CLSTN2: variants seen among roughly 807,000 people sequenced by gnomAD.
The protein encoded by CLSTN2 is calsyntenin 2, also known as calsyntenin-2.
Under a neutral mutation model 101.2 loss-of-function variants are expected in CLSTN2, and 48 were observed. That is an observed-to-expected ratio of 0.47 (90% CI 0.38 to 0.60). CLSTN2 has a LOEUF of 0.60. Among genes scored for constraint, CLSTN2 ranks in the 20% least tolerant of loss-of-function variants. The pLI, the probability that CLSTN2 is intolerant of heterozygous loss-of-function variation, is 0.00. For missense variants in CLSTN2, 1,160 were observed against 1,238.2 expected, an observed-to-expected ratio of 0.94 and a Z score of 0.95; for synonymous variants, 481 against 463.6, an observed-to-expected ratio of 1.04 and a Z score of -0.48.
At chr3:140,048,713 G>A (rs965806402) in intron 1 of CLSTN2, among the ~76,000 whole-genome samples, 1 of 152,106 alleles carries the variant, frequency 6.6e-6, no homozygotes. Context: ...GGGGAGTGGG[G>A]GGCAGTGGGC....
rs1475318842 is a variant in CLSTN2 at position 140,566,124 on chromosome 3, G to T, written c.2739G>T (p.Met913Ile). 3 of 1,612,002 alleles carry T rather than the reference G, an allele frequency of 1.9e-6. No homozygotes were observed. Among genetic ancestry groups the T allele is most frequent in the Non-Finnish European group, 8.5e-7 (1 of 1,178,102 alleles). ...AGGAGGAAGAAGCCGAGGAAGAAATGAGCTCCAGCAGTGGCTCTGACGACA... is the reference window on the plus strand; with the variant it reads ...AGGAGGAAGAAGCCGAGGAAGAAATTAGCTCCAGCAGTGGCTCTGACGACA... ...GEEEEEAEEE[M>I]SSSSGSDDSE... Residue 913 changes from methionine (M) to isoleucine (I), a missense_variant, in exon 17 of 17, where the codon ATG (methionine) becomes ATT (isoleucine). Coordinates refer to ENST00000458420, the MANE Select transcript of CLSTN2 (RefSeq NM_022131.3).
At position 140,419,482 on chromosome 3, in the gene CLSTN2, CA is replaced by C. The variant is rs1169762724; in HGVS notation, c.638-1630del. ...TGGGTGACAGAGCCAGACTCTGTCTCAAAAAAAAAAAAATATATATATATAT... is the reference window on the plus strand; with the variant it reads ...TGGGTGACAGAGCCAGACTCTGTCTCAAAAAAAAAAAATATATATATATAT... On this transcript the variant is annotated intron_variant, in intron 4 of 16. Transcript: ENST00000458420. 7.0e-4 allele frequency among the ~76,000 whole-genome samples: 14 copies of C among 19,958 alleles called. No individual in the cohort carries two copies. In the East Asian group the frequency reaches 8.2e-3, roughly 12 times the overall value. 13.1% of individuals were successfully genotyped at this position (19,958 alleles called of 152,430 possible). A position where few individuals can be genotyped will look rare whatever the true frequency, so the allele number is the denominator to read the frequency against.
chr3:140,370,547 G>T (rs1193575928), intron 2 of CLSTN2, among the ~76,000 whole-genome samples: 1 of 152,128 alleles, frequency 6.6e-6, no homozygotes, highest in Non-Finnish European at 1.5e-5. Context: ...TAATGATCTG[G>T]CAGTTCTAGA....
intron 2 of CLSTN2, among the ~76,000 whole-genome samples, chr3:140,381,586 T>C (rs1286616885): frequency 2.0e-5 from 3 of 152,228 alleles, no homozygotes; most frequent in Non-Finnish European, 4.4e-5. Context: ...ATGTGAGTTC[T>C]CATTGTTCCA....
chr3:140,564,139 C>A lies in CLSTN2; in HGVS notation c.2661C>A (p.Pro887=). The A allele has an allele frequency of 6.2e-7, 1 of 1,613,844 alleles. No individual in the cohort carries two copies. Among genetic ancestry groups the A allele is most frequent in the Non-Finnish European group, 8.5e-7 (1 of 1,179,854 alleles). Residue 887 remains proline, a synonymous_variant, in exon 16 of 17, where the codon CCC becomes CCA. Coordinates refer to ENST00000458420, the MANE Select transcript of CLSTN2 (RefSeq NM_022131.3). Reference sequence around the variant, plus strand: ...CTGCGCTGACTATCACAGTCAACCCCATGGAGGTGATCCTCATGCACGGCT... The same window carrying A: ...CTGCGCTGACTATCACAGTCAACCCAATGGAGGTGATCCTCATGCACGGCT... The part of the protein sequence containing the change: ...DDSALTITVN[P]MEKHEGPGHG...
intron 16 of CLSTN2, among the ~76,000 whole-genome samples, chr3:140,564,366 T>C (rs1006115061): frequency 6.6e-6 from 1 of 152,194 alleles, no homozygotes; most frequent in African/African-American, 2.4e-5. Context: ...TTAAAATGTA[T>C]TAATTGCTCT....
At chr3:140,132,999 T>G (rs1437596621) in intron 1 of CLSTN2, among the ~76,000 whole-genome samples, 6 of 152,126 alleles carry the variant, frequency 3.9e-5, no homozygotes, top group Non-Finnish European at 8.8e-5. Context: ...TACCCAAGAC[T>G]GGATAATTTA....
chr3:140,230,441 A>G (rs564695224), intron 2 of CLSTN2, among the ~76,000 whole-genome samples: 1 of 152,314 alleles, frequency 6.6e-6, no homozygotes, highest in African/African-American at 2.4e-5. Flanking sequence ...GTTTTTCCAA[A>G]ATTTATATGT....
rs551822710 is a variant in CLSTN2 at position 140,200,033 on chromosome 3, C to A, written c.232+23960C>A. On this transcript the variant is annotated intron_variant, in intron 2 of 16. Coordinates refer to ENST00000458420, the MANE Select transcript of CLSTN2 (RefSeq NM_022131.3). ...AAAGCAGCTGGTGGCTCGCTGGGTA[C>A]CTCCTACAAGGCCTTTAGTCCAGGC... 3.4e-4 allele frequency among the ~76,000 whole-genome samples: 52 copies of A among 152,240 alleles called. No homozygotes were observed. In the East Asian group the frequency reaches 9.5e-3, roughly 28 times the overall value.
At chr3:139,961,239 C>T (rs191388668) in intron 1 of CLSTN2, among the ~76,000 whole-genome samples, 29 of 152,290 alleles carry the variant, frequency 1.9e-4, no homozygotes, top group African/African-American at 6.3e-4. Context: ...CATCCCCCCA[C>T]CCCCAGGGCT....
intron 8 of CLSTN2, among the ~76,000 whole-genome samples, chr3:140,484,217 T>G (rs1469089662): frequency 6.6e-6 from 1 of 152,228 alleles, no homozygotes; most frequent in Non-Finnish European, 1.5e-5. Flanking sequence ...TCTCCTTCAC[T>G]GATGAAGCTT....
rs1031787382 is a variant in CLSTN2, at chr3:140,568,304, T to C, written c.*2051T>C. ...GACGGGAAATAAACAGGCCTAGAAA[T>C]TACACAAGAGACAAATGAAGAGGAA... On this transcript the variant is annotated 3_prime_UTR_variant, in exon 17 of 17. Transcript: ENST00000458420. 1 of 151,966 alleles carries C rather than the reference T, an allele frequency of 6.6e-6. No homozygotes were observed. The highest frequency in any genetic ancestry group is 2.4e-5 in the African/African-American group (1 of 41,348). The allele number at this position is 151,966 out of a possible 1,614,324, so 9.4% of individuals were successfully genotyped here.
chr3:140,470,307 T>A (rs1044944215), intron 8 of CLSTN2, among the ~76,000 whole-genome samples: 1 of 152,252 alleles, frequency 6.6e-6, no homozygotes, highest in Non-Finnish European at 1.5e-5. Flanking sequence ...CAGTTTACAG[T>A]TCCATGTGAT....
intron 1 of CLSTN2, among the ~76,000 whole-genome samples, chr3:140,028,874 A>C (rs1576402088): frequency 6.6e-6 from 1 of 152,138 alleles, no homozygotes; most frequent in Admixed American, 6.5e-5. Flanking sequence ...ACTTTGACTG[A>C]AAATGGACCC....
chr3:140,526,090 G>C (rs186687953), intron 8 of CLSTN2, among the ~76,000 whole-genome samples: 5 of 152,250 alleles, frequency 3.3e-5, no homozygotes, highest in Non-Finnish European at 7.4e-5. Context: ...AATTAGGCAA[G>C]AGAAAGAAAT....
At chr3:140,164,362 A>T (rs2010099273) in intron 1 of CLSTN2, among the ~76,000 whole-genome samples, 2 of 152,048 alleles carry the variant, frequency 1.3e-5, no homozygotes, top group South Asian at 4.2e-4. Context: ...TCCAGCCTGT[A>T]GATACTGAGG....
At chr3:140,201,597 C>A (rs2010718282) in intron 2 of CLSTN2, among the ~76,000 whole-genome samples, 1 of 152,130 alleles carries the variant, frequency 6.6e-6, no homozygotes, top group Non-Finnish European at 1.5e-5. Flanking sequence ...ACTTCTATAA[C>A]TTCCAGTGGT....
chr3:140,125,405 G>A (rs1306327680), intron 1 of CLSTN2, among the ~76,000 whole-genome samples: 2 of 152,220 alleles, frequency 1.3e-5, no homozygotes, highest in Admixed American at 6.5e-5. Context: ...CAAGTAGCCG[G>A]GTGGGCATGG....
chr3:140,400,053 T>A (rs1211567047), intron 2 of CLSTN2, among the ~76,000 whole-genome samples: 3 of 152,184 alleles, frequency 2.0e-5, no homozygotes. Flanking sequence ...ATACAGGATG[T>A]AATGTGAATA....
Sources: gnomAD v4.1 joint callset for allele counts (sites outside exome capture counted in the v4.1 genomes callset) on GRCh38, gnomAD v4.1.1 for gene constraint, MANE v1.5 for transcripts, NCBI Gene and HGNC (gene_info 2026-07-23, HGNC 2026-07-21) for gene names.